The following YWHAQ variants were observed in gnomAD, a reference collection of about 807,000 sequenced individuals.
YWHAQ encodes tyrosine 3-monooxygenase/tryptophan 5-monooxygenase activation protein theta.
In YWHAQ, 6 loss-of-function variants were observed where a neutral mutation model predicts 28.3. That is an observed-to-expected ratio of 0.21 (90% CI 0.12 to 0.42). YWHAQ has a LOEUF of 0.42. YWHAQ is among the 10% of genes least tolerant of loss of function. The pLI is 1.00. For missense variants in YWHAQ, 201 were observed against 305.6 expected, an observed-to-expected ratio of 0.66 and a Z score of 2.55; for synonymous variants, 143 against 119.1, an observed-to-expected ratio of 1.20 and a Z score of -1.31.
intron 2 of YWHAQ, among the ~76,000 whole-genome samples, chr2:9,597,842 T>G (rs981108516): frequency 6.0e-5 from 9 of 150,032 alleles, no homozygotes; most frequent in African/African-American, 2.2e-4. Flanking sequence ...CAGGCTGGAG[T>G]GCAATGGTGC....
intron 3 of YWHAQ, among the ~76,000 whole-genome samples, chr2:9,590,440 A>T (rs1399099166): frequency 6.6e-6 from 1 of 152,230 alleles, no homozygotes; most frequent in Non-Finnish European, 1.5e-5. Context: ...TTTTCAGATC[A>T]TAGTAACTAT....
At chr2:9,629,182 C>G (rs1296984793) in intron 2 of YWHAQ, among the ~76,000 whole-genome samples, 1 of 151,964 alleles carries the variant, frequency 6.6e-6, no homozygotes, top group Non-Finnish European at 1.5e-5. Context: ...ACAAACACAT[C>G]AAAAATAAGT....
chr2:9,593,349 C>T (rs1666496102), intron 2 of YWHAQ, among the ~76,000 whole-genome samples: 4 of 149,734 alleles, frequency 2.7e-5, no homozygotes, highest in Admixed American at 2.0e-4. Context: ...GCTGGGACTA[C>T]AGGCGCACAC....
chr2:9,603,424 C>A lies in YWHAQ; in HGVS notation c.295-11909G>T, dbSNP rs2125067178. Among the ~76,000 whole-genome samples, 2 of 151,834 alleles carry A rather than the reference C, an allele frequency of 1.3e-5. 1 individual carries two copies. The highest frequency in any genetic ancestry group is 6.8e-3 in the Middle Eastern group (2 of 294). ...AACTGGGATTACAGGCACGCATAAT[C>A]ATGCCTGGCTAATTTTTCTAATTTT... On this transcript the variant is annotated intron_variant, in intron 2 of 5. Coordinates refer to ENST00000238081, the MANE Select transcript of YWHAQ (RefSeq NM_006826.4).
intron 2 of YWHAQ, 122 bp from the exon 3 acceptor site, chr2:9,591,637 A>C: frequency 8.1e-7 from 1 of 1,241,642 alleles, no homozygotes; most frequent in Non-Finnish European, 1.1e-6. Flanking sequence ...ATACTATACC[A>C]TACCAGCCTG....
At chr2:9,603,973 CA>C (rs1666767458) in intron 2 of YWHAQ, among the ~76,000 whole-genome samples, 1 of 151,998 alleles carries the variant, frequency 6.6e-6, no homozygotes, top group South Asian at 2.1e-4. Flanking sequence ...AATGTAAAGC[CA>C]AATTAGGCTT....
chr2:9,622,013 A>G (rs1416340269), intron 2 of YWHAQ, among the ~76,000 whole-genome samples: 1 of 152,126 alleles, frequency 6.6e-6, no homozygotes, highest in Non-Finnish European at 1.5e-5. Flanking sequence ...AAGGAGGGGA[A>G]CATCACACAG....
In YWHAQ at chr2:9,630,932, G is replaced by C. The variant is rs1348748494; in HGVS notation, c.-83+9C>G. On this transcript the variant is annotated intron_variant, in intron 1 of 5. Transcript: ENST00000238081. The surrounding 1 kb of genome is among the most constrained non-coding windows in gnomAD (Gnocchi z 5.6). ...CGGAGGAAGCCCGCGGGCCGACCCAGGCGCTCACCTTCACGTCTCCGCGGC... is the reference window on the plus strand; with the variant it reads ...CGGAGGAAGCCCGCGGGCCGACCCACGCGCTCACCTTCACGTCTCCGCGGC... The C allele has an allele frequency of 6.5e-6, 1 of 152,758 alleles. No individual in the cohort carries two copies. The highest frequency in any genetic ancestry group is 1.5e-5 in the Non-Finnish European group (1 of 68,160). 9.5% of individuals were successfully genotyped at this position (152,758 alleles called of 1,614,324 possible). A position where few individuals can be genotyped will look rare whatever the true frequency, so the allele number is the denominator to read the frequency against.
intron 2 of YWHAQ, among the ~76,000 whole-genome samples, chr2:9,597,634 CAAAAAAAAAAAA>C (rs562319001): frequency 2.7e-5 from 2 of 75,318 alleles, no homozygotes; most frequent in Non-Finnish European, 5.5e-5. Context: ...AACTCCGTCT[CAAAAAAAAAAAA>C]AAAAAAAGAA....
At chr2:9,597,133 T>TA (rs1426830145) in intron 2 of YWHAQ, among the ~76,000 whole-genome samples, 1 of 152,204 alleles carries the variant, frequency 6.6e-6, no homozygotes, top group African/African-American at 2.4e-5. Flanking sequence ...TATTATGATC[T>TA]AAAGGTCTCT....
At chr2:9,606,880 A>G (rs1041986303) in intron 2 of YWHAQ, among the ~76,000 whole-genome samples, 1 of 150,180 alleles carries the variant, frequency 6.7e-6, no homozygotes, top group Non-Finnish European at 1.5e-5. Context: ...ACTGCATTTA[A>G]TATTTTTCTT....
chr2:9,607,729 T>G (rs1425691931), intron 2 of YWHAQ, among the ~76,000 whole-genome samples: 1 of 149,900 alleles, frequency 6.7e-6, no homozygotes, highest in Non-Finnish European at 1.5e-5. Context: ...TTTTTTTTTT[T>G]GAGACAGAGT....
intron 2 of YWHAQ, among the ~76,000 whole-genome samples, chr2:9,623,835 C>T (rs1170567959): frequency 6.6e-6 from 1 of 151,980 alleles, no homozygotes; most frequent in Non-Finnish European, 1.5e-5. Flanking sequence ...ATATGCCAAG[C>T]TACTATGAAG....
intron 2 of YWHAQ, among the ~76,000 whole-genome samples, chr2:9,612,623 A>T (rs2125070317): frequency 6.6e-6 from 1 of 152,336 alleles, no homozygotes; most frequent in African/African-American, 2.4e-5. Context: ...GTGGAGCAAC[A>T]ACAAGGTGCC....
intron 2 of YWHAQ, among the ~76,000 whole-genome samples, chr2:9,627,478 C>G (rs767669530): frequency 6.6e-6 from 1 of 152,176 alleles, no homozygotes; most frequent in African/African-American, 2.4e-5. Context: ...TGTCTTATAA[C>G]TTCCTTATCT....
chr2:9,623,669 A>G (rs534649965), intron 2 of YWHAQ, among the ~76,000 whole-genome samples: 18 of 152,324 alleles, frequency 1.2e-4, no homozygotes, highest in African/African-American at 2.4e-4. Context: ...ACTACTTGTG[A>G]GGCTGACACA....
intron 2 of YWHAQ, among the ~76,000 whole-genome samples, chr2:9,618,396 AAAGGAGAT>A (rs1305396474): frequency 6.8e-6 from 1 of 147,292 alleles, no homozygotes; most frequent in African/African-American, 2.7e-5. Context: ...AAACTTAAGG[AAAGGAGAT>A]AAGTTTCCTT....
intron 2 of YWHAQ, among the ~76,000 whole-genome samples, chr2:9,593,905 A>AAAAAAAAAT (rs1205661739): frequency 1.0e-4 from 13 of 127,636 alleles, no homozygotes; most frequent in African/African-American, 4.0e-4. Context: ...GATTAAAAAA[A>AAAAAAAAAT]ATATATATAT....
chr2:9,592,452 G>A (rs987201895), intron 2 of YWHAQ, among the ~76,000 whole-genome samples: 5 of 152,010 alleles, frequency 3.3e-5, no homozygotes, highest in African/African-American at 1.2e-4. Context: ...AGGGCCGGGC[G>A]CGGTGGCTCA....
Sources: allele counts gnomAD v4.1 joint callset (sites outside exome capture counted in the v4.1 genomes callset), GRCh38; gene constraint gnomAD v4.1.1; non-coding constraint Gnocchi (gnomAD v3.1); transcripts MANE v1.5; gene names NCBI Gene and HGNC (gene_info 2026-07-23, HGNC 2026-07-21).